The following PCLO variants were observed in gnomAD, a reference collection of about 807,000 sequenced individuals.
The protein encoded by PCLO is piccolo presynaptic cytomatrix protein, also known as protein piccolo.
A neutral mutation model predicts 427.5 loss-of-function variants in PCLO; 82 were observed. The observed-to-expected ratio is 0.19, with a 90% CI of 0.16 to 0.23. PCLO has a LOEUF of 0.23. Ranked by LOEUF, PCLO falls within the 10% of genes least tolerant of loss-of-function variation. The pLI, the probability that PCLO is intolerant of heterozygous loss-of-function variation, is 1.00. For missense variants in PCLO, 6,239 were observed against 6,115.9 expected (o/e 1.02, Z -0.67); for synonymous variants, 2,357 against 2,155.4 (o/e 1.09, Z -2.59).
rs751042524 is a variant in PCLO at position 82,955,150 on chromosome 7, T to G, written c.5803A>C (p.Asn1935His). 2.5e-6 allele frequency: 4 copies of G among 1,613,756 alleles called. No individual in the cohort carries two copies. In the African/African-American group the frequency reaches 5.3e-5, roughly 22 times the overall value. The change falls in exon 5 of 25, where the codon AAT becomes CAT. Residue 1935 changes from asparagine to histidine, a missense_variant. Transcript: ENST00000333891. ...TTTTCAAACACTTCATCTCGTTCAT[T>G]TGCAGCTGGAAAAGCTTTGTATTTG... is the stretch of plus-strand genomic sequence containing the variant. ...THKYKAFPAA[N>H]ERDEVFEKEP...
rs1366748975 is a variant in PCLO, at chr7:82,755,033, T to G, written c.*3542A>C. On this transcript the variant is annotated 3_prime_UTR_variant, in exon 25 of 25. Coordinates refer to ENST00000333891, the MANE Select transcript of PCLO (RefSeq NM_033026.6). ...TGAAATGAAGCATTGATCAAATAATTTCTAATAAATTGGGCACAATATAAT... is the reference window on the plus strand; with the variant it reads ...TGAAATGAAGCATTGATCAAATAATGTCTAATAAATTGGGCACAATATAAT... The G allele has an allele frequency of 6.6e-6, 1 of 152,094 alleles. No homozygotes were observed. The highest frequency in any genetic ancestry group is 2.4e-5 in the African/African-American group (1 of 41,440). 9.4% of individuals were successfully genotyped at this position (152,094 alleles called of 1,614,324 possible). A position where few individuals can be genotyped will look rare whatever the true frequency, so the allele number is the denominator to read the frequency against.
chr7:83,148,177 C>T (rs1352919088), intron 2 of PCLO, among the ~76,000 whole-genome samples: 1 of 152,084 alleles, frequency 6.6e-6, no homozygotes, highest in Admixed American at 6.6e-5. Context: ...TGACCCACAG[C>T]CTCAGTTAGG....
At chr7:82,799,069 A>G (rs1791287861) in intron 22 of PCLO, among the ~76,000 whole-genome samples, 1 of 152,216 alleles carries the variant, frequency 6.6e-6, no homozygotes, top group Admixed American at 6.5e-5. Context: ...ATTAGGATGA[A>G]TAATTTCTGT....
At chr7:83,021,148 T>C (rs961396108) in intron 3 of PCLO, among the ~76,000 whole-genome samples, 1 of 152,162 alleles carries the variant, frequency 6.6e-6, no homozygotes, top group African/African-American at 2.4e-5. Context: ...ACCTCAATTT[T>C]ACAGCCCCTC....
At chr7:82,921,881 C>CA (rs199669323) in intron 6 of PCLO, among the ~76,000 whole-genome samples, 1,725 of 148,232 alleles carry the variant, frequency 0.012, 34 homozygotes, top group African/African-American at 0.04. Context: ...AGGCACTTAA[C>CA]AAAAAAAAAC....
intron 22 of PCLO, among the ~76,000 whole-genome samples, chr7:82,781,838 A>G (rs1438404951): frequency 1.3e-5 from 2 of 152,122 alleles, no homozygotes; most frequent in Admixed American, 6.5e-5. Context: ...ACCCAAGAGG[A>G]TTGGGTTTGA....
chr7:83,155,825 C>T lies in PCLO; in HGVS notation c.816G>A (p.Leu272=), dbSNP rs1394998469. ...TQTPQTDHAK[L]PLQRDASRPQ... ...GCCTGGATGCATCTCGTTGAAGTGGCAATTTTGCATGGTCTGTCTGAGGAG... is the reference window on the plus strand; with the variant it reads ...GCCTGGATGCATCTCGTTGAAGTGGTAATTTTGCATGGTCTGTCTGAGGAG... Residue 272 remains leucine, a synonymous_variant, in exon 2 of 25, where the codon TTG becomes TTA. Coordinates refer to ENST00000333891, the MANE Select transcript of PCLO (RefSeq NM_033026.6). 7.4e-6 allele frequency: 12 copies of T among 1,613,882 alleles called. No homozygotes were observed. The highest frequency in any genetic ancestry group is 2.2e-5 in the East Asian group (1 of 44,858).
chr7:82,824,005 T>C (rs1791864476), intron 19 of PCLO, among the ~76,000 whole-genome samples: 1 of 152,124 alleles, frequency 6.6e-6, no homozygotes. Flanking sequence ...CATGTTGAAA[T>C]TGGACAGTTA....
intron 7 of PCLO, chr7:82,914,447 C>G (rs1794394935): frequency 1.7e-6 from 1 of 585,150 alleles, no homozygotes; most frequent in Non-Finnish European, 3.0e-6. Flanking sequence ...CCAAACAAAT[C>G]AAGCAAACAA....
chr7:82,951,693 A>G (rs1795353753), intron 5 of PCLO, among the ~76,000 whole-genome samples, 163 bp downstream of exon 5: 1 of 152,176 alleles, frequency 6.6e-6, no homozygotes, highest in Admixed American at 6.5e-5. Context: ...TTTTAAAATG[A>G]AGGAACAAAA....
At chr7:82,812,958 G>T (rs927020758) in intron 20 of PCLO, among the ~76,000 whole-genome samples, 1 of 151,424 alleles carries the variant, frequency 6.6e-6, no homozygotes, top group South Asian at 2.1e-4. Flanking sequence ...AAAACATGCA[G>T]GTTTGTTTGA....
Position 83,093,477 on chromosome 7 carries a change from G to GATAT in PCLO, c.3300+40769_3300+40772dup, listed in dbSNP as rs766623004. 2.8e-3 allele frequency among the ~76,000 whole-genome samples: 257 copies of GATAT among 92,164 alleles called. 10 individuals are homozygous for GATAT. Among genetic ancestry groups the GATAT allele is most frequent in the African/African-American group, 0.011 (241 of 22,790 alleles). The allele number at this position is 92,164 out of a possible 152,430, so 60.5% of individuals were successfully genotyped here. On this transcript the variant is annotated intron_variant, in intron 3 of 24. Coordinates refer to ENST00000333891, the MANE Select transcript of PCLO (RefSeq NM_033026.6). ...AAACATATATATGTGTGTGTGTATA[G>GATAT]ATATATATATATATATTTTTTTTTT...
At chr7:83,115,344 C>T (rs1168695676) in intron 3 of PCLO, among the ~76,000 whole-genome samples, 1 of 151,832 alleles carries the variant, frequency 6.6e-6, no homozygotes, top group Non-Finnish European at 1.5e-5. Flanking sequence ...TTCAATGTTA[C>T]AAAATAGCAA....
chr7:82,929,736 T>G (rs1794797194), intron 6 of PCLO, among the ~76,000 whole-genome samples: 1 of 152,202 alleles, frequency 6.6e-6, no homozygotes, highest in Admixed American at 6.6e-5. Flanking sequence ...CTAGGAAGTA[T>G]GTTCAAAAAC....
At chr7:82,824,963 TAAAC>T (rs1000248604) in intron 18 of PCLO, among the ~76,000 whole-genome samples, 8 of 151,816 alleles carry the variant, frequency 5.3e-5, no homozygotes, top group Non-Finnish European at 8.8e-5. Context: ...AACAAACAAA[TAAAC>T]AAACAAACAA....
Position 82,758,504 on chromosome 7 carries a change from A to G in PCLO, c.*71T>C, listed in dbSNP as rs1219485192. ...GCCTCTCAAAACTTAGCTTTGTACA[A>G]TAGTATTCAACTATAGTCTTGATGT... On this transcript the variant is annotated 3_prime_UTR_variant, in exon 25 of 25. Coordinates refer to ENST00000333891, the MANE Select transcript of PCLO (RefSeq NM_033026.6). 1 of 1,331,904 alleles carries G rather than the reference A, an allele frequency of 7.5e-7. No individual in the cohort carries two copies. Among genetic ancestry groups the G allele is most frequent in the Non-Finnish European group, 1.0e-6 (1 of 966,070 alleles). 82.5% of individuals were successfully genotyped at this position (1,331,904 alleles called of 1,614,324 possible).
chr7:82,856,516 A>T (rs543346096), intron 10 of PCLO, among the ~76,000 whole-genome samples: 108 of 152,268 alleles, frequency 7.1e-4, no homozygotes, highest in Non-Finnish European at 3.1e-4. Context: ...TATTTGGAAC[A>T]GACTGAATCA....
intron 3 of PCLO, among the ~76,000 whole-genome samples, chr7:83,096,093 CCT>C (rs1219448331): frequency 6.6e-6 from 1 of 151,974 alleles, no homozygotes; most frequent in Non-Finnish European, 1.5e-5. Flanking sequence ...CTAACTCTAT[CCT>C]CTGAGATTTT....
chr7:82,798,204 A>G lies in PCLO; in HGVS notation c.15007+3314T>C, dbSNP rs562405678. Among the ~76,000 whole-genome samples the G allele has an allele frequency of 1.2e-3, 190 of 152,268 alleles. 1 individual carries two copies. The highest frequency in any genetic ancestry group is 4.5e-3 in the African/African-American group (189 of 41,556). On this transcript the variant is annotated intron_variant, in intron 22 of 24. Transcript: ENST00000333891. ...GGTATTCATAAAACAAAGTGCTTAA[A>G]TGAATAATATAAGTAATCGAGATGA...
Sources: gnomAD v4.1 joint callset for allele counts (sites outside exome capture counted in the v4.1 genomes callset) on GRCh38, gnomAD v4.1.1 for gene constraint, MANE v1.5 for transcripts, NCBI Gene and HGNC (gene_info 2026-07-23, HGNC 2026-07-21) for gene names.